LRRC53: variants seen among roughly 807,000 people sequenced by gnomAD.
The protein encoded by LRRC53 is leucine rich repeat containing 53.
LRRC53 carries 25 observed loss-of-function variants against 13.6 expected under a neutral mutation model. The observed-to-expected ratio is 1.83, with a 90% confidence interval of 1.34 to 2.56. LRRC53 has a LOEUF of 2.56. LRRC53 is among the 30% of genes most tolerant of loss of function. LRRC53 has a pLI of 0.00. For synonymous variants in LRRC53, 204 were observed against 109.8 expected (o/e 1.86, Z -5.37); for missense variants, 527 against 275.8 (o/e 1.91, Z -6.45).
At chr1:74,478,892 T>G (rs78864793) in intron 3 of LRRC53, among the ~76,000 whole-genome samples, 1 of 152,238 alleles carries the variant, frequency 6.6e-6, no homozygotes, top group Admixed American at 6.5e-5. Flanking sequence ...ATACAATTAC[T>G]GACATAGTTA....
At position 74,475,327 on chromosome 1, in the gene LRRC53, T is replaced by A; in HGVS notation, c.1388A>T (p.Gln463Leu). Residue 463 changes from glutamine (Q) to leucine (L), a missense_variant, in exon 4 of 5, where the codon CAA (glutamine) becomes CTA (leucine). Transcript: ENST00000294635. ...WNLEPGEVQP[Q>L]TLQHHIIRTE... is the part of the protein sequence containing the mutation. ...TCTTATTATATGGTGTTGCAGAGTTTGAGGCTGGACTTCTCCAGGCTCAAG... is the reference window on the plus strand; with the variant it reads ...TCTTATTATATGGTGTTGCAGAGTTAGAGGCTGGACTTCTCCAGGCTCAAG... The A allele has an allele frequency of 1.4e-6, 1 of 704,338 alleles. No homozygotes were observed. Among genetic ancestry groups the A allele is most frequent in the Non-Finnish European group, 2.6e-6 (1 of 380,108 alleles). The allele number at this position is 704,338 out of a possible 1,614,324, so 43.6% of individuals were successfully genotyped here. A position where few individuals can be genotyped will look rare whatever the true frequency, so the allele number is the denominator to read the frequency against.
At chr1:74,513,453 C>T (rs943644770), upstream of LRRC53, among the ~76,000 whole-genome samples, 1 of 152,204 alleles carries the variant, frequency 6.6e-6, no homozygotes, top group Non-Finnish European at 1.5e-5. Context: ...GAAGGCACAT[C>T]CCACTTCAGA....
intron 1 of LRRC53, among the ~76,000 whole-genome samples, chr1:74,488,634 G>A (rs45441298): frequency 5.3e-5 from 8 of 152,164 alleles, no homozygotes; most frequent in South Asian, 2.1e-4. Context: ...AACCAAACTC[G>A]TCTGACACAG....
chr1:74,482,944 G>T (rs952132627), intron 2 of LRRC53, among the ~76,000 whole-genome samples: 1 of 152,150 alleles, frequency 6.6e-6, no homozygotes, highest in Non-Finnish European at 1.5e-5. Flanking sequence ...TGGTGGTAGA[G>T]TTCAAATCTG....
In LRRC53 at chr1:74,483,357, A is replaced by G. The variant is rs1192801780; in HGVS notation, c.-8T>C. The G allele has an allele frequency of 2.2e-5, 16 of 717,246 alleles. No individual in the cohort carries two copies. Among genetic ancestry groups the G allele is most frequent in the Non-Finnish European group, 3.4e-5 (13 of 384,900 alleles). The allele number at this position is 717,246 out of a possible 1,614,324, so 44.4% of individuals were successfully genotyped here. ...TGCCACCAACCGCAACATGATGGCA[A>G]AGAGTACCAGCCATCCACCTGAAAG... On this transcript the variant is annotated 5_prime_UTR_variant, in exon 2 of 5. Transcript: ENST00000294635.
At chr1:74,489,396 G>A in intron 1 of LRRC53, 1 of 763,340 alleles carries the variant, frequency 1.3e-6, no homozygotes, top group Middle Eastern at 2.5e-4. Context: ...AAATTCCTAT[G>A]GTGGAGCAGA....
rs116382660 is a variant in LRRC53 at position 74,492,874 on chromosome 1, G to A, written c.-26-9499C>T. Among the ~76,000 whole-genome samples the A allele has an allele frequency of 5.7e-3, 875 of 152,258 alleles. 8 individuals are homozygous for A. The highest frequency in any genetic ancestry group is 0.02 in the African/African-American group (825 of 41,538). On this transcript the variant is annotated intron_variant, in intron 1 of 4. Coordinates refer to ENST00000294635, the MANE Select transcript of LRRC53 (RefSeq NM_001382280.1). ...ATGTATTTCCGCAGTCTGAAAGCTG[G>A]AAGTCCAAGATCAGGTTCAGCATGG...
chr1:74,497,624 CCA>C (rs1192478656), intron 1 of LRRC53, among the ~76,000 whole-genome samples: 10 of 151,378 alleles, frequency 6.6e-5, no homozygotes, highest in Admixed American at 5.9e-4. Context: ...ATACATTCCT[CCA>C]CACACACAAT....
At chr1:74,476,275 G>A (rs1201851972) in intron 3 of LRRC53, among the ~76,000 whole-genome samples, 2 of 151,998 alleles carry the variant, frequency 1.3e-5, no homozygotes, top group South Asian at 2.1e-4. Context: ...CCCATGTGCC[G>A]ACTCTAACCT....
At chr1:74,536,082 G>T in the LRRC53 span, among the ~76,000 whole-genome samples, 1 of 152,020 alleles carries the variant, frequency 6.6e-6, no homozygotes, top group African/African-American at 2.4e-5. Context: ...CTGAAGCTTT[G>T]CCTATAATGT....
intron 3 of LRRC53, among the ~76,000 whole-genome samples, chr1:74,477,236 C>T (rs1254238586): frequency 6.6e-6 from 1 of 152,078 alleles, no homozygotes; most frequent in African/African-American, 2.4e-5. Context: ...AGATTCAAAG[C>T]TATATTCTGA....
intron 1 of LRRC53, among the ~76,000 whole-genome samples, chr1:74,502,707 C>T (rs778020126): frequency 3.9e-5 from 6 of 152,184 alleles, no homozygotes; most frequent in Non-Finnish European, 5.9e-5. Flanking sequence ...TTTCCCTTCT[C>T]ACTCTAACTC....
At chr1:74,485,985 G>A (rs145290156) in intron 1 of LRRC53, among the ~76,000 whole-genome samples, 474 of 152,154 alleles carry the variant, frequency 3.1e-3, no homozygotes, top group Non-Finnish European at 4.0e-3. Flanking sequence ...CAAAGGACCC[G>A]GCTAATCTAT....
the LRRC53 span, among the ~76,000 whole-genome samples, chr1:74,520,985 G>T: frequency 6.6e-6 from 1 of 152,148 alleles, no homozygotes; most frequent in East Asian, 1.9e-4. Flanking sequence ...CTGTGGCAGT[G>T]TAGGGGTCCT....
the LRRC53 span, among the ~76,000 whole-genome samples, chr1:74,523,785 T>A: frequency 6.6e-6 from 1 of 152,244 alleles, no homozygotes; most frequent in African/African-American, 2.4e-5. Flanking sequence ...TTTCTTTTTT[T>A]AAAATTATAC....
At chr1:74,485,379 G>T (rs11210464) in intron 1 of LRRC53, among the ~76,000 whole-genome samples, 1 of 152,120 alleles carries the variant, frequency 6.6e-6, no homozygotes, top group African/African-American at 2.4e-5. Flanking sequence ...CCGGTTAGTC[G>T]GCCTCATGGA....
the LRRC53 span, among the ~76,000 whole-genome samples, chr1:74,534,696 T>A: frequency 6.6e-6 from 1 of 151,914 alleles, no homozygotes. Flanking sequence ...ATCTCCTCTA[T>A]CTTGTAAGCA....
chr1:74,475,795 G>A lies in LRRC53; in HGVS notation c.920C>T (p.Thr307Ile). 3.3e-6 allele frequency: 2 copies of A among 609,288 alleles called. No individual in the cohort carries two copies. Among genetic ancestry groups the A allele is most frequent in the Non-Finnish European group, 3.0e-6 (1 of 333,356 alleles). The allele number at this position is 609,288 out of a possible 1,614,324, so 37.7% of individuals were successfully genotyped here. A position where few individuals can be genotyped will look rare whatever the true frequency, so the allele number is the denominator to read the frequency against. Residue 307 changes from threonine (T) to isoleucine (I), a missense_variant, in exon 4 of 5, where the codon ACT becomes ATT. Coordinates refer to ENST00000294635, the MANE Select transcript of LRRC53 (RefSeq NM_001382280.1). ...GTTAAATACAACTAAACCTAGGCAA[G>A]TGAGACCAACAGCTCCTATGACAAA... ...VLGFAGAVGL[T>I]CLGLVVFNWK...
Position 74,509,597 on chromosome 1 carries a change from T to C in LRRC53, c.-27+2929A>G, listed in dbSNP as rs544854210. On this transcript the variant is annotated intron_variant, in intron 1 of 4. Coordinates refer to ENST00000294635, the MANE Select transcript of LRRC53 (RefSeq NM_001382280.1). ...ACATAGAGGACAATGAATTATGAAA[T>C]TATGAAATAAATAAAATTGAGGACA... 7.2e-5 allele frequency among the ~76,000 whole-genome samples: 11 copies of C among 152,226 alleles called. No homozygotes were observed. The South Asian group carries it at 2.3e-3, about 32-fold the overall frequency.
Sources: allele counts gnomAD v4.1 joint callset (sites outside exome capture counted in the v4.1 genomes callset), GRCh38; gene constraint gnomAD v4.1.1; transcripts MANE v1.5; gene names NCBI Gene and HGNC (gene_info 2026-07-23, HGNC 2026-07-21).